The following SMG1 variants were observed in gnomAD, a reference collection of about 807,000 sequenced individuals.
SMG1 encodes the protein serine/threonine-protein kinase SMG1.
A neutral mutation model predicts 419.9 loss-of-function variants in SMG1; 22 were observed. The observed-to-expected ratio is 0.05, with a 90% CI of 0.04 to 0.07. SMG1 has a LOEUF of 0.07. SMG1 is among the 10% of genes least tolerant of loss of function. SMG1 has a pLI of 1.00. For missense variants in SMG1, 3,185 were observed against 4,342.0 expected (o/e 0.73, Z 7.49); for synonymous variants, 1,538 against 1,553.5 (o/e 0.99, Z 0.23).
rs869238782 is a variant in SMG1, at chr16:18,821,221, CTTT to C, written c.9742-1570_9742-1568del. On this transcript the variant is annotated intron_variant, in intron 55 of 62. Transcript: ENST00000446231. ...AAAACCTGAGATATTTAGTATGTTTCTTTTTTTTTTTTTTTTTTTCTTTTTTTT... is the reference window on the plus strand; with the variant it reads ...AAAACCTGAGATATTTAGTATGTTTCTTTTTTTTTTTTTTTTCTTTTTTTT... Among the ~76,000 whole-genome samples, 146 of 35,588 alleles carry C rather than the reference CTTT, an allele frequency of 4.1e-3. 2 individuals are homozygous for C. The highest frequency in any genetic ancestry group is 0.014 in the African/African-American group (118 of 8,646). The allele number at this position is 35,588 out of a possible 152,430, so 23.3% of individuals were successfully genotyped here.
chr16:18,912,651 A>T (rs2037838146), intron 1 of SMG1, among the ~76,000 whole-genome samples: 1 of 152,128 alleles, frequency 6.6e-6, no homozygotes, highest in Non-Finnish European at 1.5e-5. Flanking sequence ...CAATAAATTG[A>T]TTACCACATA....
chr16:18,885,230 T>A lies in SMG1; in HGVS notation c.949-68A>T, dbSNP rs945553687. ...ATTACTGCCATTCACCTGTGGACCA[T>A]TTCACAGCAAAAGATCCTAAAAGGA... On this transcript the variant is annotated intron_variant, in intron 7 of 62. Transcript: ENST00000446231. 23 of 689,462 alleles carry A rather than the reference T, an allele frequency of 3.3e-5. No homozygotes were observed. In the African/African-American group the frequency reaches 3.9e-4, roughly 12 times the overall value. 42.7% of individuals were successfully genotyped at this position (689,462 alleles called of 1,614,324 possible).
At position 18,847,819 on chromosome 16, in the gene SMG1, T is replaced by C; in HGVS notation, c.5838A>G (p.Leu1946=). 1 of 1,613,604 alleles carries C rather than the reference T, an allele frequency of 6.2e-7. No individual in the cohort carries two copies. The highest frequency in any genetic ancestry group is 8.5e-7 in the Non-Finnish European group (1 of 1,179,708). The part of the protein sequence containing the change: ...KLSSANPTMV[L]QVQMLVAELR... Reference sequence around the variant, plus strand: ...CAACATGTGAGTTTCTTTGTACCTGTAATACCATGGTGGGGTTTGCAGAGG... The same window carrying C: ...CAACATGTGAGTTTCTTTGTACCTGCAATACCATGGTGGGGTTTGCAGAGG... Residue 1946 remains leucine (L), a synonymous_variant, in exon 37 of 63, where the codon TTA becomes TTG. Coordinates refer to ENST00000446231, the MANE Select transcript of SMG1 (RefSeq NM_015092.5).
intron 49 of SMG1, 127 bp downstream of exon 49, chr16:18,834,765 C>G: frequency 9.3e-7 from 1 of 1,080,570 alleles, no homozygotes; most frequent in Non-Finnish European, 1.3e-6. Flanking sequence ...ACCAAGATAA[C>G]TAAAATCTGA....
intron 13 of SMG1, among the ~76,000 whole-genome samples, chr16:18,873,348 T>C (rs868862288): frequency 3.9e-5 from 6 of 152,172 alleles, no homozygotes; most frequent in South Asian, 2.1e-4. Flanking sequence ...GTTTCCCAAG[T>C]AGCTGGGATT....
intron 46 of SMG1, 133 bp from the exon 47 acceptor site, chr16:18,836,665 G>T: frequency 1.2e-6 from 1 of 850,014 alleles, no homozygotes; most frequent in Non-Finnish European, 1.8e-6. Flanking sequence ...CTCCTCAAAT[G>T]TCCCTTACTT....
chr16:18,914,941 A>T (rs1011907670), intron 1 of SMG1, among the ~76,000 whole-genome samples: 27 of 142,462 alleles, frequency 1.9e-4, no homozygotes, highest in Admixed American at 6.3e-4. Context: ...AAATTACCAT[A>T]TTTTTTTTTT....
At chr16:18,811,644 G>A in intron 62 of SMG1, 117 bp downstream of exon 62, 1 of 953,778 alleles carries the variant, frequency 1.0e-6, no homozygotes, top group Admixed American at 2.0e-5. Context: ...TCTGAATCCT[G>A]AAAACACATT....
chr16:18,869,650 C>A (rs34122581), intron 19 of SMG1, among the ~76,000 whole-genome samples: 46,751 of 151,826 alleles, frequency 0.31, 7,937 homozygotes, highest in Non-Finnish European at 0.38. Context: ...TTTCATTACT[C>A]AATTTCAAAG....
chr16:18,867,235 T>C (rs1387437883), intron 22 of SMG1, among the ~76,000 whole-genome samples: 1 of 152,146 alleles, frequency 6.6e-6, no homozygotes, highest in Non-Finnish European at 1.5e-5. Flanking sequence ...TCATACGTTA[T>C]AAAAACAATT....
chr16:18,831,016 T>C (rs2033137502), intron 51 of SMG1, among the ~76,000 whole-genome samples: 1 of 152,158 alleles, frequency 6.6e-6, no homozygotes, highest in Non-Finnish European at 1.5e-5. Flanking sequence ...ACCTAGTAAA[T>C]TGTCAGGTAT....
rs1195515090 is a variant in SMG1 at position 18,809,144 on chromosome 16, G to A, written c.*425C>T. ...AATCTTCCTTGGCTGTGATTTCTTC[G>A]CGACCCCAGTTTTCTCTGTTTCTGA... On this transcript the variant is annotated 3_prime_UTR_variant, in exon 63 of 63. Coordinates refer to ENST00000446231, the MANE Select transcript of SMG1 (RefSeq NM_015092.5). 1 of 160,516 alleles carries A rather than the reference G, an allele frequency of 6.2e-6. No individual in the cohort carries two copies. The highest frequency in any genetic ancestry group is 1.4e-5 in the Non-Finnish European group (1 of 72,888). The allele number at this position is 160,516 out of a possible 1,614,324, so 9.9% of individuals were successfully genotyped here.
Position 18,876,213 on chromosome 16 carries a change from C to T in SMG1, c.1801G>A (p.Val601Met), listed in dbSNP as rs1457310124. The part of the protein sequence containing the change: ...EIKHEAFKNH[V>M]FNVDNAKFVV... ...AATTTTGCATTGTCTACATTGAACA[C>T]ATGATTCTTAAAAGCCTCATGTTTT... Residue 601 changes from valine (V) to methionine (M), a missense_variant, in exon 13 of 63, where the codon GTG becomes ATG. By Grantham distance (21) the Val-to-Met change is conservative. Around this residue, in one of 27 missense-constraint regions of SMG1, gnomAD observed 297 missense variants for 491.0 expected, o/e 0.60. Coordinates refer to ENST00000446231, the MANE Select transcript of SMG1 (RefSeq NM_015092.5). 1.2e-6 allele frequency: 2 copies of T among 1,611,774 alleles called. No homozygotes were observed. The highest frequency in any genetic ancestry group is 4.5e-5 in the East Asian group (2 of 44,868).
intron 29 of SMG1, chr16:18,857,020 T>C (rs1242568639): frequency 5.9e-5 from 9 of 152,192 alleles, no homozygotes; most frequent in Non-Finnish European, 1.3e-4. Flanking sequence ...GAAATCCCCA[T>C]ATAACTGAAG....
intron 1 of SMG1, among the ~76,000 whole-genome samples, chr16:18,903,121 G>A (rs1259168341): frequency 2.6e-5 from 4 of 152,064 alleles, no homozygotes; most frequent in Non-Finnish European, 4.4e-5. Flanking sequence ...CACTGCACCC[G>A]GCCATAAATT....
chr16:18,814,957 A>T (rs575473025), intron 60 of SMG1, among the ~76,000 whole-genome samples: 8 of 150,576 alleles, frequency 5.3e-5, no homozygotes, highest in Non-Finnish European at 4.4e-5. Flanking sequence ...GGCCTTAGAC[A>T]ATCCTCCCAC....
chr16:18,893,500 C>T (rs1302048842), intron 3 of SMG1, among the ~76,000 whole-genome samples: 1 of 152,186 alleles, frequency 6.6e-6, no homozygotes, highest in Non-Finnish European at 1.5e-5. Context: ...TGGCACATGC[C>T]TGTAATCCCA....
chr16:18,853,784 T>C lies in SMG1; in HGVS notation c.4567A>G (p.Lys1523Glu), dbSNP rs770532616. The change falls in exon 31 of 63, where the codon AAA (lysine) becomes GAA (glutamate). Residue 1523 changes from lysine (K) to glutamate (E), a missense_variant. Physicochemically the swap from Lys to Glu is moderately conservative, Grantham distance 56. Transcript: ENST00000446231. ...KSVKAEYAVA[K>E]SILTLAKWIQ... ...CATTTAGCCAGTGTCAGAATTGATT[T>C]AGCAACTGCATATTCAGCTTTCACA... The C allele has an allele frequency of 1.4e-5, 23 of 1,613,888 alleles. No homozygotes were observed. Among genetic ancestry groups the C allele is most frequent in the Non-Finnish European group, 1.7e-5 (20 of 1,179,834 alleles).
At chr16:18,840,375 C>G (rs1271344916) in intron 41 of SMG1, among the ~76,000 whole-genome samples, 1 of 152,194 alleles carries the variant, frequency 6.6e-6, no homozygotes, top group Non-Finnish European at 1.5e-5. Flanking sequence ...GATAGCCCTT[C>G]TCTAATTACT....
Sources: gnomAD v4.1 joint callset for allele counts (sites outside exome capture counted in the v4.1 genomes callset) on GRCh38, gnomAD v4.1.1 for gene constraint, gnomAD v4.1.1 regional missense constraint, MANE v1.5 for transcripts, NCBI Gene and HGNC (gene_info 2026-07-23, HGNC 2026-07-21) for gene names.